The following ZIM3 variants were observed in gnomAD, a reference collection of about 807,000 sequenced individuals.
ZIM3 encodes the protein zinc finger imprinted 3.
ZIM3 carries 11 observed loss-of-function variants against 12.9 expected under a neutral mutation model. That is an observed-to-expected ratio of 0.85 (90% CI 0.54 to 1.41). ZIM3 has a LOEUF of 1.41. Among genes scored for constraint, ZIM3 ranks in the 40% most tolerant of loss-of-function variants. The pLI is 0.00. For synonymous variants in ZIM3, 205 were observed against 198.5 expected (o/e 1.03, Z -0.28); for missense variants, 604 against 557.2 (o/e 1.08, Z -0.85).
At chr19:57,137,052 T>G in intron 3 of ZIM3, 81 bp from the exon 4 acceptor site, 17 of 1,242,022 alleles carry the variant, frequency 1.4e-5, no homozygotes, top group Non-Finnish European at 2.0e-5. Flanking sequence ...ATATAAGCGC[T>G]TGCGTATGCT....
chr19:57,141,647 T>C (rs1215762866), intron 2 of ZIM3, among the ~76,000 whole-genome samples: 2 of 152,032 alleles, frequency 1.3e-5, no homozygotes, highest in Non-Finnish European at 2.9e-5. Context: ...GGTCAAGATT[T>C]CGAGGCCAGC....
In ZIM3 at chr19:57,136,959, G is replaced by A. The variant is rs778184530; in HGVS notation, c.155C>T (p.Thr52Ile). Residue 52 changes from threonine (T) to isoleucine (I), a missense_variant, in exon 4 of 5, where the codon ACC becomes ATC. Coordinates refer to ENST00000269834, the MANE Select transcript of ZIM3 (RefSeq NM_052882.1). ...SNLVSVGQGE[T>I]TKPDVILRLE... is the part of the protein sequence containing the mutation. ...CCTCAAGATCACATCGGGTTTGGTG[G>A]TTTCCCCTTGTCCTGTGATGGAAGA... The A allele has an allele frequency of 6.2e-7, 1 of 1,614,130 alleles. No homozygotes were observed. The highest frequency in any genetic ancestry group is 2.2e-5 in the East Asian group (1 of 44,870).
chr19:57,135,020 T>G lies in ZIM3; in HGVS notation c.1317A>C (p.Lys439Asn), dbSNP rs769553890. The change falls in exon 5 of 5, where the codon AAA (lysine) becomes AAC (asparagine). Residue 439 changes from lysine to asparagine, a missense_variant. By Grantham distance (94) the Lys-to-Asn change is moderately conservative (BLOSUM62 0). Coordinates refer to ENST00000269834, the MANE Select transcript of ZIM3 (RefSeq NM_052882.1). ...CATAAGGTTTTTGTCCAGTATGGGT[T>G]TTTTTATGCAAACTAAGGTTTAATT... The part of the protein sequence containing the change: ...IRKLNLSLHK[K>N]THTGQKPYGC... The G allele has an allele frequency of 6.4e-5, 103 of 1,614,026 alleles. No individual in the cohort carries two copies. The highest frequency in any genetic ancestry group is 8.3e-5 in the Non-Finnish European group (98 of 1,180,026).
intron 3 of ZIM3, among the ~76,000 whole-genome samples, chr19:57,137,286 A>G (rs1389247200): frequency 6.6e-6 from 1 of 152,068 alleles, no homozygotes; most frequent in Non-Finnish European, 1.5e-5. Context: ...GGAATTTGAG[A>G]CCAACATGTT....
rs766656949 is a variant in ZIM3, at chr19:57,135,626, A to T, written c.711T>A (p.Asn237Lys). ...TATGCATTTTCTGATGTTGAAAGAG[A>T]TTTGACTTCTGCTTGTAGGCATTTC... ...NCGNAYKQKS[N>K]LFQHQKMHTK... is the part of the protein sequence containing the mutation. Residue 237 changes from asparagine to lysine, a missense_variant, in exon 5 of 5, where the codon AAT (asparagine) becomes AAA (lysine). Physicochemically the swap from Asn to Lys is moderately conservative, Grantham distance 94 (BLOSUM62 0). Coordinates refer to ENST00000269834, the MANE Select transcript of ZIM3 (RefSeq NM_052882.1). 1.9e-6 allele frequency: 3 copies of T among 1,611,752 alleles called. No homozygotes were observed. Among genetic ancestry groups the T allele is most frequent in the Non-Finnish European group, 2.5e-6 (3 of 1,178,240 alleles).
rs1283434193 is a variant in ZIM3, at chr19:57,135,623, G to T, written c.714C>A (p.Leu238=). The change falls in exon 5 of 5, where the codon CTC becomes CTA. Residue 238 remains leucine, a synonymous_variant. Coordinates refer to ENST00000269834, the MANE Select transcript of ZIM3 (RefSeq NM_052882.1). ...TAGTATGCATTTTCTGATGTTGAAA[G>T]AGATTTGACTTCTGCTTGTAGGCAT... ...CGNAYKQKSN[L]FQHQKMHTKE... 1 of 1,612,012 alleles carries T rather than the reference G, an allele frequency of 6.2e-7. No homozygotes were observed. The highest frequency in any genetic ancestry group is 1.1e-5 in the South Asian group (1 of 91,018).
chr19:57,139,995 A>G (rs1599923138), intron 2 of ZIM3, among the ~76,000 whole-genome samples: 1 of 152,042 alleles, frequency 6.6e-6, no homozygotes, highest in Non-Finnish European at 1.5e-5. Context: ...TTACGGCAGC[A>G]TTTTGCCCCT....
rs1568457923 is a variant in ZIM3, at chr19:57,135,152, T to A, written c.1185A>T (p.Arg395Ser). 1 of 1,614,188 alleles carries A rather than the reference T, an allele frequency of 6.2e-7. No individual in the cohort carries two copies. The stretch of plus-strand genomic sequence containing the variant: ...ACTTCTGAAAGAAGGCTTTTCCACA[T>A]CTGTTACATTCATAGGGCTTTTCCC... ...HTGEKPYECN[R>S]CGKAFFQKSN... Residue 395 changes from arginine (R) to serine (S), a missense_variant, in exon 5 of 5, where the codon AGA becomes AGT. Physicochemically the swap from Arg to Ser is moderately radical, Grantham distance 110. Coordinates refer to ENST00000269834, the MANE Select transcript of ZIM3 (RefSeq NM_052882.1).
intron 3 of ZIM3, 79 bp from the exon 4 acceptor site, chr19:57,137,050 G>A (rs929764319): frequency 7.5e-5 from 93 of 1,246,704 alleles, no homozygotes; most frequent in Admixed American, 3.2e-4. Context: ...GTATATAAGC[G>A]CTTGCGTATG....
In ZIM3 at chr19:57,142,663, A is replaced by C; in HGVS notation, c.-20T>G. On this transcript the variant is annotated 5_prime_UTR_variant, in exon 2 of 5. Coordinates refer to ENST00000269834, the MANE Select transcript of ZIM3 (RefSeq NM_052882.1). ...GTTCATTTCCTGTTCTTCACCAGTCAGTAAAGTCTTGGGAAGGCAGATCTG... is the reference window on the plus strand; with the variant it reads ...GTTCATTTCCTGTTCTTCACCAGTCCGTAAAGTCTTGGGAAGGCAGATCTG... The C allele has an allele frequency of 6.2e-7, 1 of 1,613,086 alleles. No homozygotes were observed. The highest frequency in any genetic ancestry group is 8.5e-7 in the Non-Finnish European group (1 of 1,179,484).
Position 57,144,837 on chromosome 19 carries a change from G to A in ZIM3, c.-43+22C>T, listed in dbSNP as rs1198678262. The A allele has an allele frequency of 2.6e-5, 4 of 151,830 alleles. No individual in the cohort carries two copies. The East Asian group carries it at 5.8e-4, about 22-fold the overall frequency. The allele number at this position is 151,830 out of a possible 1,614,324, so 9.4% of individuals were successfully genotyped here. A position where few individuals can be genotyped will look rare whatever the true frequency, so the allele number is the denominator to read the frequency against. ...CAAAACCCAGACATTTGGTTTTCAGGGAGAAAAAAAAATCAGCTTACCTCC... is the reference window on the plus strand; with the variant it reads ...CAAAACCCAGACATTTGGTTTTCAGAGAGAAAAAAAAATCAGCTTACCTCC... On this transcript the variant is annotated intron_variant, in intron 1 of 4. Transcript: ENST00000269834.
rs369290739 is a variant in ZIM3, at chr19:57,141,340, G to T, written c.15+1289C>A. On this transcript the variant is annotated intron_variant, in intron 2 of 4. Coordinates refer to ENST00000269834, the MANE Select transcript of ZIM3 (RefSeq NM_052882.1). The stretch of plus-strand genomic sequence containing the variant: ...CGCTTGAACCTGGGAGGTGGAGGTT[G>T]CAGTGAGCCAAGATCAAGCCATTGC... 1.3e-4 allele frequency among the ~76,000 whole-genome samples: 20 copies of T among 149,080 alleles called. 1 individual carries two copies. The highest frequency in any genetic ancestry group is 9.9e-4 in the East Asian group (5 of 5,054).
At chr19:57,137,765 G>A (rs547411372) in intron 3 of ZIM3, among the ~76,000 whole-genome samples, 4 of 150,204 alleles carry the variant, frequency 2.7e-5, no homozygotes, top group African/African-American at 4.9e-5. Flanking sequence ...CTCCAGCCTC[G>A]GTGACACAGC....
At chr19:57,141,971 C>A (rs1005226126) in intron 2 of ZIM3, among the ~76,000 whole-genome samples, 3 of 151,992 alleles carry the variant, frequency 2.0e-5, no homozygotes, top group East Asian at 1.9e-4. Flanking sequence ...GCTGTATAAA[C>A]CCCTAGTTTT....
chr19:57,138,469 T>TA lies in ZIM3; in HGVS notation c.142+2dup. The TA allele has an allele frequency of 1.2e-6, 2 of 1,614,144 alleles. No individual in the cohort carries two copies. The highest frequency in any genetic ancestry group is 1.7e-6 in the Non-Finnish European group (2 of 1,180,014). On this transcript the variant is annotated splice_region_variant and intron_variant, in intron 3 of 4. Coordinates refer to ENST00000269834, the MANE Select transcript of ZIM3 (RefSeq NM_052882.1). ...GTCCCCCTGCCCGGGAAGCCGTCCT[T>TA]ACCCACAGAGACAAGGTTGCTGTAA...
chr19:57,135,886 A>G lies in ZIM3; in HGVS notation c.451T>C (p.Tyr151His), dbSNP rs1322713574. The G allele has an allele frequency of 6.2e-7, 1 of 1,614,150 alleles. No individual in the cohort carries two copies. Among genetic ancestry groups the G allele is most frequent in the East Asian group, 2.2e-5 (1 of 44,860 alleles). Residue 151 changes from tyrosine to histidine, a missense_variant, in exon 5 of 5, where the codon TAC becomes CAC. By Grantham distance (83) the Tyr-to-His change is moderately conservative. Coordinates refer to ENST00000269834, the MANE Select transcript of ZIM3 (RefSeq NM_052882.1). ...GGATTATTGCCAACTAATTTTCTGTATCCATTATCATCGTGAGAATTATTT... is the reference window on the plus strand; with the variant it reads ...GGATTATTGCCAACTAATTTTCTGTGTCCATTATCATCGTGAGAATTATTT... ...VQNNSHDDNG[Y>H]RKLVGNNPSK...
chr19:57,142,840 C>CT (rs113123994), intron 1 of ZIM3, among the ~76,000 whole-genome samples, 155 bp from the exon 2 acceptor site: 1,520 of 149,568 alleles, frequency 0.01, 23 homozygotes, highest in African/African-American at 0.034. Context: ...TTCTGAAGGT[C>CT]TTTTTTTTTT....
chr19:57,138,371 T>C, intron 3 of ZIM3, 101 bp downstream of exon 3: 1 of 1,540,660 alleles, frequency 6.5e-7, no homozygotes, highest in East Asian at 2.3e-5. Context: ...ATATGCGAAG[T>C]GAGGAGCACC....
In ZIM3 at chr19:57,135,338, T is replaced by A. The variant is rs1255472978; in HGVS notation, c.999A>T (p.Lys333Asn). The change falls in exon 5 of 5, where the codon AAA becomes AAT. Residue 333 changes from lysine to asparagine, a missense_variant. By Grantham distance (94) the Lys-to-Asn change is moderately conservative. Coordinates refer to ENST00000269834, the MANE Select transcript of ZIM3 (RefSeq NM_052882.1). ...TCTCACATATGCTACATTTATAGGG[T>A]TTCTCTCCCGTGTGTATTCTCTGGT... ...VKHQRIHTGE[K>N]PYKCSICEKA... is the part of the protein sequence containing the mutation. The A allele has an allele frequency of 6.2e-7, 1 of 1,614,076 alleles. No homozygotes were observed. The highest frequency in any genetic ancestry group is 8.5e-7 in the Non-Finnish European group (1 of 1,180,018).
Sources: allele counts gnomAD v4.1 joint callset (sites outside exome capture counted in the v4.1 genomes callset), GRCh38; gene constraint gnomAD v4.1.1; transcripts MANE v1.5; gene names NCBI Gene and HGNC (gene_info 2026-07-23, HGNC 2026-07-21).